Variants in ST8SIA2 observed in about 807,000 individuals in gnomAD.
The protein encoded by ST8SIA2 is alpha-2,8-sialyltransferase 8B.
A neutral mutation model predicts 37.6 loss-of-function variants in ST8SIA2; 22 were observed. The observed-to-expected ratio is 0.58, with a 90% CI of 0.42 to 0.83. The LOEUF (loss-of-function observed/expected upper bound fraction) is 0.83, where lower values mean the gene tolerates loss of function less well. Among genes scored for constraint, ST8SIA2 ranks in the 40% least tolerant of loss-of-function variants. The pLI, the probability that ST8SIA2 is intolerant of heterozygous loss-of-function variation, is 0.00. For synonymous variants in ST8SIA2, 205 were observed against 201.2 expected (o/e 1.02, Z -0.16); for missense variants, 382 against 484.7 (o/e 0.79, Z 1.99).
intron 1 of ST8SIA2, among the ~76,000 whole-genome samples, chr15:92,418,208 G>A (rs982592095): frequency 1.3e-5 from 2 of 151,846 alleles, no homozygotes; most frequent in Non-Finnish European, 1.5e-5. Context: ...AATCCCAGCA[G>A]TTTGGGAGGC....
intron 1 of ST8SIA2, among the ~76,000 whole-genome samples, chr15:92,415,022 G>A (rs892677714): frequency 2.6e-5 from 4 of 152,194 alleles, no homozygotes; most frequent in Non-Finnish European, 5.9e-5. Flanking sequence ...GAGCATGGCT[G>A]GGAAAAGTGG....
At chr15:92,463,807 T>G (rs2049972706) in intron 5 of ST8SIA2, among the ~76,000 whole-genome samples, 1 of 152,228 alleles carries the variant, frequency 6.6e-6, no homozygotes, top group African/African-American at 2.4e-5. Context: ...CCAGGTAACC[T>G]TGGGCAAGCC....
At chr15:92,448,402 G>T (rs987205043) in intron 5 of ST8SIA2, among the ~76,000 whole-genome samples, 1 of 152,238 alleles carries the variant, frequency 6.6e-6, no homozygotes, top group African/African-American at 2.4e-5. Context: ...TTCACTGCAA[G>T]TGGAGGAATG....
At chr15:92,396,736 A>G (rs1298405122) in intron 1 of ST8SIA2, among the ~76,000 whole-genome samples, 1 of 151,944 alleles carries the variant, frequency 6.6e-6, no homozygotes, top group Non-Finnish European at 1.5e-5. Context: ...GGATCTGCCC[A>G]CCTCAGCCTC....
intron 1 of ST8SIA2, among the ~76,000 whole-genome samples, chr15:92,427,382 A>G (rs1322391067): frequency 1.3e-5 from 2 of 152,092 alleles, no homozygotes; most frequent in African/African-American, 4.8e-5. Flanking sequence ...ATATTACTCA[A>G]AATATTTTTG....
chr15:92,410,888 A>G (rs1316301184), intron 1 of ST8SIA2, among the ~76,000 whole-genome samples: 1 of 152,210 alleles, frequency 6.6e-6, no homozygotes. Context: ...TGAGCTGGAA[A>G]AAGAATGACA....
At chr15:92,409,596 G>C (rs971700590) in intron 1 of ST8SIA2, among the ~76,000 whole-genome samples, 5 of 152,134 alleles carry the variant, frequency 3.3e-5, no homozygotes, top group African/African-American at 7.2e-5. Context: ...TTTCTGTATA[G>C]CGAGTGCATG....
chr15:92,444,651 A>G lies in ST8SIA2; in HGVS notation c.564A>G (p.Pro188=). ...HSFVIRCNLA[P]VQEYARDVGL... ...TCTCCGGCAGGTGCAACCTGGCCCC[A>G]GTACAGGAGTATGCCCGGGATGTGG... The change falls in exon 5 of 6, where the codon CCA becomes CCG. Residue 188 remains proline, a synonymous_variant. Coordinates refer to ENST00000268164, the MANE Select transcript of ST8SIA2 (RefSeq NM_006011.4). 6.2e-7 allele frequency: 1 copy of G among 1,614,270 alleles called. No homozygotes were observed. Among genetic ancestry groups the G allele is most frequent in the Non-Finnish European group, 8.5e-7 (1 of 1,180,052 alleles).
At chr15:92,406,111 G>T (rs1219101803) in intron 1 of ST8SIA2, among the ~76,000 whole-genome samples, 1 of 152,228 alleles carries the variant, frequency 6.6e-6, no homozygotes, top group Non-Finnish European at 1.5e-5. Flanking sequence ...AAGAGGTAGG[G>T]CACAGCTGTC....
intron 4 of ST8SIA2, among the ~76,000 whole-genome samples, chr15:92,441,923 T>A (rs1208012137): frequency 6.6e-6 from 1 of 152,126 alleles, no homozygotes; most frequent in African/African-American, 2.4e-5. Flanking sequence ...AAGCTGCCTC[T>A]CTCACCCTGC....
chr15:92,407,008 A>G lies in ST8SIA2; in HGVS notation c.98+12846A>G, dbSNP rs1372809534. Among the ~76,000 whole-genome samples the G allele has an allele frequency of 1.0e-4, 15 of 149,126 alleles. 1 individual carries two copies. The highest frequency in any genetic ancestry group is 3.3e-4 in the African/African-American group (13 of 39,696). On this transcript the variant is annotated intron_variant, in intron 1 of 5. Transcript: ENST00000268164. ...AAACCCTGTCTCAAAAAAAAAAAAA[A>G]GAAAAGAAAAAAAAAAACACTACAA...
At chr15:92,460,673 G>A (rs957408954) in intron 5 of ST8SIA2, among the ~76,000 whole-genome samples, 2 of 152,200 alleles carry the variant, frequency 1.3e-5, no homozygotes, top group African/African-American at 4.8e-5. Context: ...CATTCCTCCT[G>A]CCTCCTACAT....
At chr15:92,413,943 G>C (rs2049568963) in intron 1 of ST8SIA2, among the ~76,000 whole-genome samples, 1 of 152,224 alleles carries the variant, frequency 6.6e-6, no homozygotes, top group Non-Finnish European at 1.5e-5. Context: ...CACCAGCCCA[G>C]ACCCTGGGGG....
chr15:92,455,438 C>T (rs2049913337), intron 5 of ST8SIA2, among the ~76,000 whole-genome samples: 1 of 152,062 alleles, frequency 6.6e-6, no homozygotes, highest in African/African-American at 2.4e-5. Context: ...AAGTAAAAAG[C>T]CAACTCCGCT....
At chr15:92,439,060 G>A (rs2049781655) in intron 4 of ST8SIA2, among the ~76,000 whole-genome samples, 1 of 152,192 alleles carries the variant, frequency 6.6e-6, no homozygotes, top group Non-Finnish European at 1.5e-5. Context: ...TGCAGAGTCA[G>A]AACAGAGAGA....
At chr15:92,439,066 A>G (rs562363616) in intron 4 of ST8SIA2, among the ~76,000 whole-genome samples, 1 of 152,314 alleles carries the variant, frequency 6.6e-6, no homozygotes, top group South Asian at 2.1e-4. Flanking sequence ...GTCAGAACAG[A>G]GAGATCATAT....
intron 5 of ST8SIA2, among the ~76,000 whole-genome samples, chr15:92,462,735 TC>T (rs1383786947): frequency 6.6e-6 from 1 of 152,182 alleles, no homozygotes; most frequent in Non-Finnish European, 1.5e-5. Flanking sequence ...TTGTGTCTGG[TC>T]TAGAGACACA....
intron 2 of ST8SIA2, among the ~76,000 whole-genome samples, chr15:92,431,406 C>G (rs3931230): frequency 1.3e-5 from 2 of 152,052 alleles, no homozygotes; most frequent in Non-Finnish European, 2.9e-5. Flanking sequence ...ACTGCAGTGT[C>G]TTCTTTGAGG....
At chr15:92,453,229 C>T (rs1486455494) in intron 5 of ST8SIA2, among the ~76,000 whole-genome samples, 1 of 152,150 alleles carries the variant, frequency 6.6e-6, no homozygotes, top group Non-Finnish European at 1.5e-5. Flanking sequence ...TGACCATTGA[C>T]ACCCAAAGGA....
Sources: gnomAD v4.1 joint callset for allele counts (sites outside exome capture counted in the v4.1 genomes callset) on GRCh38, gnomAD v4.1.1 for gene constraint, MANE v1.5 for transcripts, NCBI Gene and HGNC (gene_info 2026-07-23, HGNC 2026-07-21) for gene names.